MAF: variants seen among roughly 807,000 people sequenced by gnomAD.
The protein encoded by MAF is transcription factor Maf.
MAF carries 10 observed loss-of-function variants against 22.0 expected under a neutral mutation model. The ratio of observed to expected loss-of-function variants is 0.45; its 90% CI spans 0.28 to 0.77. The LOEUF is 0.77. MAF is among the 30% of genes least tolerant of loss of function. The pLI, the probability that MAF is intolerant of heterozygous loss-of-function variation, is 0.12. For synonymous variants in MAF, 337 were observed against 255.8 expected, an observed-to-expected ratio of 1.32 and a Z score of -3.03; for missense variants, 544 against 548.4, an observed-to-expected ratio of 0.99 and a Z score of 0.08.
chr16:79,445,740 T>C, the MAF span, among the ~76,000 whole-genome samples: 2 of 152,244 alleles, frequency 1.3e-5, no homozygotes, highest in African/African-American at 4.8e-5. Flanking sequence ...CTCATCCCTG[T>C]CTCATCCAGG....
At chr16:79,361,489 C>T in the MAF span, among the ~76,000 whole-genome samples, 2 of 152,168 alleles carry the variant, frequency 1.3e-5, no homozygotes, top group Non-Finnish European at 1.5e-5. Context: ...TAACCTCTAA[C>T]ATTTAGCACT....
At chr16:79,221,751 G>C in the MAF span, among the ~76,000 whole-genome samples, 53 of 129,974 alleles carry the variant, frequency 4.1e-4, no homozygotes, top group Non-Finnish European at 8.4e-4. Context: ...ATACGTGATT[G>C]TGTGTGTATG....
the MAF span, among the ~76,000 whole-genome samples, chr16:79,270,399 G>C: frequency 6.6e-6 from 1 of 152,086 alleles, no homozygotes; most frequent in Non-Finnish European, 1.5e-5. Context: ...AGCATGTGTG[G>C]AGTGGAGGAA....
intron 1 of MAF, among the ~76,000 whole-genome samples, chr16:79,588,094 A>G (rs1347263786): frequency 6.6e-6 from 1 of 152,202 alleles, no homozygotes; most frequent in African/African-American, 2.4e-5. Context: ...CTGTTTACCT[A>G]ACAATTGAAG....
the MAF span, among the ~76,000 whole-genome samples, chr16:79,298,444 G>A: frequency 6.6e-6 from 1 of 152,206 alleles, no homozygotes; most frequent in Non-Finnish European, 1.5e-5. Context: ...AGCTCCCTTG[G>A]CCAATCTGAG....
the MAF span, among the ~76,000 whole-genome samples, chr16:79,241,258 A>G: frequency 6.6e-6 from 1 of 152,098 alleles, no homozygotes; most frequent in Non-Finnish European, 1.5e-5. Flanking sequence ...CTAAAGGAGC[A>G]TGTTCTAACC....
At chr16:79,466,820 A>G in the MAF span, among the ~76,000 whole-genome samples, 3 of 152,312 alleles carry the variant, frequency 2.0e-5, no homozygotes, top group African/African-American at 4.8e-5. Flanking sequence ...ATTATTACTC[A>G]TGTTCATCTT....
downstream of MAF, among the ~76,000 whole-genome samples, chr16:79,591,285 G>A (rs908336596): frequency 6.6e-6 from 1 of 152,168 alleles, no homozygotes; most frequent in African/African-American, 2.4e-5. Flanking sequence ...GTGAGGGGCA[G>A]GTTGAGGAGT....
the MAF span, among the ~76,000 whole-genome samples, chr16:79,385,269 A>G: frequency 2.0e-5 from 3 of 152,246 alleles, no homozygotes; most frequent in African/African-American, 7.2e-5. Flanking sequence ...ATATGTATGA[A>G]TCAATTTAAC....
the MAF span, among the ~76,000 whole-genome samples, chr16:79,477,818 G>A: frequency 1.3e-5 from 2 of 151,984 alleles, no homozygotes; most frequent in Non-Finnish European, 2.9e-5. Context: ...TCCGCCTCCT[G>A]GGCTCAAGAA....
chr16:79,478,464 C>G, the MAF span, among the ~76,000 whole-genome samples: 1 of 152,142 alleles, frequency 6.6e-6, no homozygotes, highest in Admixed American at 6.5e-5. Context: ...CAGAGAAGAA[C>G]ACAATCACCA....
the MAF span, among the ~76,000 whole-genome samples, chr16:79,575,095 G>A: frequency 1.3e-5 from 2 of 151,512 alleles, no homozygotes; most frequent in Non-Finnish European, 2.9e-5. Context: ...TGTGGTCTGA[G>A]GCACGGCATC....
chr16:79,473,087 G>A, the MAF span, among the ~76,000 whole-genome samples: 1 of 152,166 alleles, frequency 6.6e-6, no homozygotes, highest in Non-Finnish European at 1.5e-5. Context: ...AGGGGACATG[G>A]AACTGGGGAT....
the MAF span, among the ~76,000 whole-genome samples, chr16:79,524,319 A>C: frequency 4.6e-5 from 7 of 152,286 alleles, no homozygotes; most frequent in African/African-American, 1.4e-4. Flanking sequence ...ACTGTGACCC[A>C]TCTCTCTTAA....
At chr16:79,549,638 T>C in the MAF span, among the ~76,000 whole-genome samples, 1 of 152,182 alleles carries the variant, frequency 6.6e-6, no homozygotes, top group Non-Finnish European at 1.5e-5. Flanking sequence ...GACACTCACT[T>C]GAAAATGATC....
chr16:79,361,919 G>C, the MAF span, among the ~76,000 whole-genome samples: 1 of 152,190 alleles, frequency 6.6e-6, no homozygotes, highest in Non-Finnish European at 1.5e-5. Context: ...CAAGCACTGG[G>C]TGGCAAGCAT....
chr16:79,551,040 C>T, the MAF span, among the ~76,000 whole-genome samples: 1 of 152,174 alleles, frequency 6.6e-6, no homozygotes, highest in Admixed American at 6.5e-5. Flanking sequence ...ACCTACTATG[C>T]ACAGGTTCTT....
At chr16:79,571,554 T>TTTA in the MAF span, among the ~76,000 whole-genome samples, 133 of 139,856 alleles carry the variant, frequency 9.5e-4, no homozygotes, top group Middle Eastern at 0.011. Flanking sequence ...TTTTTTTTTT[T>TTTA]ACAAATGCAC....
chr16:79,513,775 G>T, the MAF span, among the ~76,000 whole-genome samples: 1 of 152,152 alleles, frequency 6.6e-6, no homozygotes, highest in African/African-American at 2.4e-5. Flanking sequence ...TGGTGTGTAG[G>T]ACACGTTCCA....
Sources: gnomAD v4.1 joint callset for allele counts (sites outside exome capture counted in the v4.1 genomes callset) on GRCh38, gnomAD v4.1.1 for gene constraint, MANE v1.5 for transcripts, NCBI Gene and HGNC (gene_info 2026-07-23, HGNC 2026-07-21) for gene names.